The following SPAG17 variants were observed in gnomAD, a reference collection of about 807,000 sequenced individuals.
SPAG17 encodes sperm-associated antigen 17.
Under a neutral mutation model 273.6 loss-of-function variants are expected in SPAG17, and 169 were observed. The observed-to-expected ratio is 0.62, with a 90% CI of 0.55 to 0.70. The LOEUF is 0.70. Among genes scored for constraint, SPAG17 ranks in the 30% least tolerant of loss-of-function variants. SPAG17 has a pLI of 0.00. For synonymous variants in SPAG17, 825 were observed against 873.2 expected, an observed-to-expected ratio of 0.94 and a Z score of 0.97; for missense variants, 2,557 against 2,627.8, an observed-to-expected ratio of 0.97 and a Z score of 0.59.
At chr1:118,089,319 C>CCTAT (rs1173890660) in intron 10 of SPAG17, among the ~76,000 whole-genome samples, 1 of 56,872 alleles carries the variant, frequency 1.8e-5, no homozygotes, top group Admixed American at 1.4e-4. Flanking sequence ...AACCAGAAGG[C>CCTAT]CTATGTAGAT....
At chr1:117,992,109 C>T (rs75919178) in intron 36 of SPAG17, among the ~76,000 whole-genome samples, 9 of 152,136 alleles carry the variant, frequency 5.9e-5, no homozygotes, top group Non-Finnish European at 1.0e-4. Context: ...ATTCTTAGAC[C>T]GCTTCCAAAG....
chr1:118,013,444 G>C (rs1659669300), intron 29 of SPAG17, among the ~76,000 whole-genome samples: 1 of 152,144 alleles, frequency 6.6e-6, no homozygotes, highest in South Asian at 2.1e-4. Flanking sequence ...AAGAAATACT[G>C]CTGTGTAATG....
At chr1:118,152,073 T>C (rs1489820408) in intron 1 of SPAG17, among the ~76,000 whole-genome samples, 1 of 152,234 alleles carries the variant, frequency 6.6e-6, no homozygotes, top group Non-Finnish European at 1.5e-5. Context: ...CATTACCAAC[T>C]GTGAGATGCT....
chr1:118,158,123 G>C (rs1171742410), intron 1 of SPAG17, among the ~76,000 whole-genome samples: 1 of 152,176 alleles, frequency 6.6e-6, no homozygotes, highest in East Asian at 1.9e-4. Context: ...TTGGAAGAGA[G>C]GGCCAGAATC....
At chr1:118,106,395 A>G (rs868593023) in intron 4 of SPAG17, among the ~76,000 whole-genome samples, 2 of 152,180 alleles carry the variant, frequency 1.3e-5, no homozygotes, top group African/African-American at 4.8e-5. Context: ...CTCAAAGCTA[A>G]TATGTGGCAA....
chr1:118,118,433 T>G (rs1657219854), intron 3 of SPAG17, among the ~76,000 whole-genome samples: 1 of 152,046 alleles, frequency 6.6e-6, no homozygotes, highest in African/African-American at 2.4e-5. Context: ...AGGCAAAAAT[T>G]TAAGCTTCCA....
intron 37 of SPAG17, among the ~76,000 whole-genome samples, chr1:117,991,169 T>A (rs758452654): frequency 3.3e-5 from 5 of 152,218 alleles, no homozygotes; most frequent in Non-Finnish European, 7.3e-5. Flanking sequence ...TCAATAAATA[T>A]CAATTTCTTT....
chr1:118,023,480 A>T lies in SPAG17; in HGVS notation c.3910-17T>A, dbSNP rs1280705189. ...AAAGAGAATCTGAAGAATGAACAAA[A>T]GTTTTCAGCATTCTCAGAAGCAAGA... On this transcript the variant is annotated splice_polypyrimidine_tract_variant and intron_variant, in intron 27 of 48. Transcript: ENST00000336338. 1 of 1,599,636 alleles carries T rather than the reference A, an allele frequency of 6.3e-7. No homozygotes were observed. Among genetic ancestry groups the T allele is most frequent in the South Asian group, 1.1e-5 (1 of 88,522 alleles).
intron 3 of SPAG17, among the ~76,000 whole-genome samples, chr1:118,124,816 C>A (rs1657617297): frequency 6.6e-6 from 1 of 152,192 alleles, no homozygotes; most frequent in Admixed American, 6.5e-5. Flanking sequence ...TGAACCCAGG[C>A]TATCTGGTTC....
At chr1:118,147,195 G>C (rs576823645) in intron 3 of SPAG17, among the ~76,000 whole-genome samples, 21 of 152,268 alleles carry the variant, frequency 1.4e-4, no homozygotes, top group African/African-American at 4.6e-4. Flanking sequence ...TGAGGTTAGA[G>C]TCTTTATAAT....
rs749385126 is a variant in SPAG17, at chr1:118,023,358, T to TA, written c.4014dup (p.Ile1339TyrfsTer12). 1 of 1,612,744 alleles carries TA rather than the reference T, an allele frequency of 6.2e-7. No individual in the cohort carries two copies. The highest frequency in any genetic ancestry group is 1.7e-5 in the Admixed American group (1 of 59,900). On this transcript the variant is annotated frameshift_variant, in exon 28 of 49. Coordinates refer to ENST00000336338, the MANE Select transcript of SPAG17 (RefSeq NM_206996.4). LOFTEE classifies it high-confidence loss of function. The stretch of plus-strand genomic sequence containing the variant: ...ATCGTTTCTGATTTCTGCTGAGAAA[T>TA]AGAGTCCATCAAATCTCCACTGTGA...
intron 48 of SPAG17, chr1:117,959,377 C>T: frequency 1.2e-6 from 2 of 1,613,582 alleles, no homozygotes; most frequent in Non-Finnish European, 1.7e-6. Flanking sequence ...TTTGCTGATG[C>T]TACTAGCCAC....
chr1:118,063,398 T>G (rs533206062), intron 18 of SPAG17, among the ~76,000 whole-genome samples: 1 of 152,228 alleles, frequency 6.6e-6, no homozygotes, highest in East Asian at 1.9e-4. Flanking sequence ...TATAGATCAA[T>G]GGAACAGAAC....
Position 117,963,829 on chromosome 1 carries a change from G to T in SPAG17, c.6642C>A (p.Val2214=), listed in dbSNP as rs1653445745. 3 of 1,613,420 alleles carry T rather than the reference G, an allele frequency of 1.9e-6. No homozygotes were observed. The highest frequency in any genetic ancestry group is 2.7e-5 in the African/African-American group (2 of 75,020). ...GTGGAGAAACTTTACGAGACATGAAGACTCCAAGTGTGGAGGAATAAATTG... is the reference window on the plus strand; with the variant it reads ...GTGGAGAAACTTTACGAGACATGAATACTCCAAGTGTGGAGGAATAAATTG... ...TSTIYSSTLG[V]FMSRKVSPH Residue 2214 remains valine, a synonymous_variant, in exon 48 of 49, where the codon GTC becomes GTA. Coordinates refer to ENST00000336338, the MANE Select transcript of SPAG17 (RefSeq NM_206996.4).
intron 32 of SPAG17, among the ~76,000 whole-genome samples, chr1:118,001,259 A>G (rs1159864497): frequency 2.0e-5 from 3 of 152,210 alleles, no homozygotes; most frequent in African/African-American, 7.2e-5. Context: ...GATGTTCATC[A>G]GGGACATTGG....
intron 32 of SPAG17, among the ~76,000 whole-genome samples, chr1:117,999,761 CATTCTGT>C (rs1319628347): frequency 2.0e-5 from 3 of 152,136 alleles, no homozygotes; most frequent in Non-Finnish European, 2.9e-5. Flanking sequence ...AATTTTCTCC[CATTCTGT>C]AGGTTGCCTG....
intron 3 of SPAG17, among the ~76,000 whole-genome samples, chr1:118,117,150 T>G (rs1657136370): frequency 1.3e-5 from 2 of 152,168 alleles, no homozygotes; most frequent in African/African-American, 2.4e-5. Flanking sequence ...TTCAAAACAT[T>G]CAAATGTGGG....
rs534503140 is a variant in SPAG17, at chr1:118,073,794, T to C, written c.2385+60A>G. The C allele has an allele frequency of 2.2e-5, 25 of 1,142,442 alleles. No homozygotes were observed. In the East Asian group the frequency reaches 6.2e-4, roughly 28 times the overall value. The allele number at this position is 1,142,442 out of a possible 1,614,324, so 70.8% of individuals were successfully genotyped here. On this transcript the variant is annotated intron_variant, in intron 17 of 48. Coordinates refer to ENST00000336338, the MANE Select transcript of SPAG17 (RefSeq NM_206996.4). Reference sequence around the variant, plus strand: ...TGACCTGGAGGTGAACTGTTCTAAATCACAGCAGACTCTCCAGACCTATCT... The same window carrying C: ...TGACCTGGAGGTGAACTGTTCTAAACCACAGCAGACTCTCCAGACCTATCT...
At chr1:118,072,717 G>A (rs943993557) in intron 17 of SPAG17, among the ~76,000 whole-genome samples, 1 of 152,086 alleles carries the variant, frequency 6.6e-6, no homozygotes, top group Non-Finnish European at 1.5e-5. Flanking sequence ...CTGAAATAAA[G>A]TGAGTTCTGA....
Sources: gnomAD v4.1 joint callset for allele counts (sites outside exome capture counted in the v4.1 genomes callset) on GRCh38, gnomAD v4.1.1 for gene constraint, MANE v1.5 for transcripts, NCBI Gene and HGNC (gene_info 2026-07-23, HGNC 2026-07-21) for gene names.